The following DAPK1 variants were observed in gnomAD, a reference collection of about 807,000 sequenced individuals.
DAPK1 encodes the protein death-associated protein kinase 1.
In DAPK1, 56 loss-of-function variants were observed where a neutral mutation model predicts 144.9. The ratio of observed to expected loss-of-function variants is 0.39; its 90% CI spans 0.31 to 0.48. The LOEUF (loss-of-function observed/expected upper bound fraction) is 0.48. DAPK1 is among the 20% of genes least tolerant of loss of function. The probability of loss-of-function intolerance (pLI) is 0.95; values close to 1 mark genes in which losing one functional copy is unlikely to be tolerated. For synonymous variants in DAPK1, 690 were observed against 749.0 expected, an observed-to-expected ratio of 0.92 and a Z score of 1.29; for missense variants, 1,454 against 1,875.4, an observed-to-expected ratio of 0.78 and a Z score of 4.15.
chr9:87,576,594 A>G (rs1447349927), intron 2 of DAPK1, among the ~76,000 whole-genome samples: 2 of 151,432 alleles, frequency 1.3e-5, no homozygotes, highest in Admixed American at 6.6e-5. Flanking sequence ...GTCTCTCTCT[A>G]TTTCCCAGGC....
intron 3 of DAPK1, among the ~76,000 whole-genome samples, chr9:87,637,393 A>G (rs1158938373): frequency 6.6e-6 from 1 of 152,184 alleles, no homozygotes; most frequent in Admixed American, 6.5e-5. Context: ...CGCCCAGGCT[A>G]CTAAATGTGA....
At chr9:87,506,302 G>GT (rs1284405070) in intron 2 of DAPK1, among the ~76,000 whole-genome samples, 1 of 152,214 alleles carries the variant, frequency 6.6e-6, no homozygotes, top group Non-Finnish European at 1.5e-5. Flanking sequence ...TTCATGGAAG[G>GT]TTTTCATTTG....
At chr9:87,616,417 C>T (rs189571524) in intron 3 of DAPK1, among the ~76,000 whole-genome samples, 6 of 152,296 alleles carry the variant, frequency 3.9e-5, no homozygotes, top group Admixed American at 6.5e-5. Context: ...AAAAGAGTCA[C>T]GTGTGGCTCA....
chr9:87,634,687 T>C (rs1386402624), intron 3 of DAPK1, among the ~76,000 whole-genome samples: 2 of 152,222 alleles, frequency 1.3e-5, no homozygotes, highest in African/African-American at 2.4e-5. Context: ...TGGAACACCA[T>C]GGCAGGCCAG....
intron 24 of DAPK1, among the ~76,000 whole-genome samples, chr9:87,702,724 A>G (rs928564763): frequency 1.3e-5 from 2 of 152,178 alleles, no homozygotes; most frequent in Non-Finnish European, 2.9e-5. Flanking sequence ...CTAAAAGACA[A>G]CTGCCCCAGT....
intron 21 of DAPK1, among the ~76,000 whole-genome samples, chr9:87,689,117 T>C (rs1824965572): frequency 6.6e-6 from 1 of 152,140 alleles, no homozygotes; most frequent in Admixed American, 6.5e-5. Context: ...TTTTATATGG[T>C]GAAAGGTGGG....
chr9:87,621,052 G>A (rs977073073), intron 3 of DAPK1, among the ~76,000 whole-genome samples: 3 of 152,164 alleles, frequency 2.0e-5, no homozygotes, highest in African/African-American at 7.2e-5. Context: ...GTTCCAGCCC[G>A]GGAATCTCCA....
chr9:87,543,018 T>G lies in DAPK1; in HGVS notation c.62+43879T>G, dbSNP rs576455517. On this transcript the variant is annotated intron_variant, in intron 2 of 25. Coordinates refer to ENST00000408954, the MANE Select transcript of DAPK1 (RefSeq NM_004938.4). ...ACATTAGAAAACAAATTTTTATTGC[T>G]TTTGCAATGAAGTTTGGGGACATTT... Among the ~76,000 whole-genome samples the G allele has an allele frequency of 2.0e-5, 3 of 152,352 alleles. No homozygotes were observed. The East Asian group carries it at 5.8e-4, about 29-fold the overall frequency.
chr9:87,656,070 A>G (rs2119202818), intron 17 of DAPK1, among the ~76,000 whole-genome samples: 1 of 152,376 alleles, frequency 6.6e-6, no homozygotes, highest in South Asian at 2.1e-4. Context: ...CCAGAAACAC[A>G]GAAGCAACAA....
chr9:87,505,383 TTTTG>T (rs1824548478), intron 2 of DAPK1, among the ~76,000 whole-genome samples: 1 of 152,146 alleles, frequency 6.6e-6, no homozygotes, highest in Admixed American at 6.5e-5. Flanking sequence ...GTTTGTGTCT[TTTTG>T]TTTGTTTGAT....
intron 2 of DAPK1, among the ~76,000 whole-genome samples, chr9:87,533,226 T>G (rs1825752642): frequency 6.6e-6 from 1 of 152,222 alleles, no homozygotes; most frequent in South Asian, 2.1e-4. Context: ...AATAAAAGAA[T>G]GAAATTGTCC....
At position 87,628,243 on chromosome 9, in the gene DAPK1, G is replaced by A. The variant is rs1309520701; in HGVS notation, c.285-9700G>A. Among the ~76,000 whole-genome samples the A allele has an allele frequency of 2.0e-5, 3 of 152,200 alleles. No individual in the cohort carries two copies. The East Asian group carries it at 5.8e-4, about 29-fold the overall frequency. On this transcript the variant is annotated intron_variant, in intron 3 of 25. Coordinates refer to ENST00000408954, the MANE Select transcript of DAPK1 (RefSeq NM_004938.4). ...GTTGTTACTTGAACTTGAATTTGAG[G>A]TGAAAACAGACAGAACTTGTATATT...
At position 87,647,340 on chromosome 9, in the gene DAPK1, T is replaced by C. The variant is rs1373379346; in HGVS notation, c.1266T>C (p.His422=). The C allele has an allele frequency of 1.2e-6, 2 of 1,614,206 alleles. No individual in the cohort carries two copies. Among genetic ancestry groups the C allele is most frequent in the African/African-American group, 1.3e-5 (1 of 75,048 alleles). ...GSNAVYWAAR[H]GHVDTLKFLS... ...ATGCCGTCTACTGGGCTGCTCGGCA[T>C]GGCCACGTCGATACCTTGAAATTTC... Residue 422 remains histidine, a synonymous_variant, in exon 14 of 26, where the codon CAT becomes CAC. Transcript: ENST00000408954.
intron 1 of DAPK1, chr9:87,498,680 G>C (rs1218349958): frequency 2.5e-6 from 1 of 392,786 alleles, no homozygotes. Flanking sequence ...AGGGGAGGCG[G>C]GGAGGCCAGT....
intron 11 of DAPK1, 134 bp downstream of exon 11, chr9:87,643,602 G>A: frequency 1.6e-6 from 1 of 613,316 alleles, no homozygotes; most frequent in Non-Finnish European, 2.9e-6. Flanking sequence ...TCCCCTCGGA[G>A]GGGTTTGGGG....
At chr9:87,532,962 G>A (rs181606828) in intron 2 of DAPK1, among the ~76,000 whole-genome samples, 10 of 152,112 alleles carry the variant, frequency 6.6e-5, no homozygotes, top group Non-Finnish European at 4.4e-5. Context: ...TTCAACAATA[G>A]GTTACTTTTA....
rs1056540582 is a variant in DAPK1, at chr9:87,635,196, C to T, written c.285-2747C>T. Among the ~76,000 whole-genome samples, 12 of 152,064 alleles carry T rather than the reference C, an allele frequency of 7.9e-5. No individual in the cohort carries two copies. The East Asian group carries it at 9.7e-4, about 12-fold the overall frequency. On this transcript the variant is annotated intron_variant, in intron 3 of 25. Coordinates refer to ENST00000408954, the MANE Select transcript of DAPK1 (RefSeq NM_004938.4). ...GGAGAGAAAGCTGGCCAGAGAAGAG[C>T]GGGCAAAGCCTGAGGCCAGGGCAGC...
chr9:87,548,584 A>C (rs1196630980), intron 2 of DAPK1, among the ~76,000 whole-genome samples: 1 of 152,152 alleles, frequency 6.6e-6, no homozygotes, highest in African/African-American at 2.4e-5. Context: ...ACAACAACTA[A>C]ATTTTGTGTT....
At chr9:87,537,450 A>G (rs915614565) in intron 2 of DAPK1, among the ~76,000 whole-genome samples, 3 of 151,722 alleles carry the variant, frequency 2.0e-5, no homozygotes, top group African/African-American at 7.3e-5. Context: ...TGAATGTGGT[A>G]TGTGTATGTA....
Sources: allele counts gnomAD v4.1 joint callset (sites outside exome capture counted in the v4.1 genomes callset), GRCh38; gene constraint gnomAD v4.1.1; transcripts MANE v1.5; gene names NCBI Gene and HGNC (gene_info 2026-07-23, HGNC 2026-07-21).